DNAJC4: variants seen among roughly 807,000 people sequenced by gnomAD.
DNAJC4 encodes DnaJ heat shock protein family (Hsp40) member C4, also known as dnaJ homolog subfamily C member 4.
In DNAJC4, 26 loss-of-function variants were observed where a neutral mutation model predicts 26.8. The ratio of observed to expected loss-of-function variants is 0.97; its 90% CI spans 0.71 to 1.34. The LOEUF (loss-of-function observed/expected upper bound fraction) is 1.34. DNAJC4 is among the 40% of genes most tolerant of loss of function. The pLI, the probability that DNAJC4 is intolerant of heterozygous loss-of-function variation, is 0.00. For missense variants in DNAJC4, 342 were observed against 321.1 expected (o/e 1.07, Z -0.50); for synonymous variants, 134 against 127.8 (o/e 1.05, Z -0.33).
At position 64,230,746 on chromosome 11, in the gene DNAJC4, GAAC is replaced by G; in HGVS notation, c.-105_-103del. 2.1e-6 allele frequency: 3 copies of G among 1,451,964 alleles called. No individual in the cohort carries two copies. Among genetic ancestry groups the G allele is most frequent in the Non-Finnish European group, 1.9e-6 (2 of 1,070,890 alleles). 89.9% of individuals were successfully genotyped at this position (1,451,964 alleles called of 1,614,324 possible). ...GGGCCTGCTTCAGTCTTCCTTTGCA[GAAC>G]AACGGGCCAGGCCCCTTCCCTCTGC... is the stretch of plus-strand genomic sequence containing the variant. On this transcript the variant is annotated 5_prime_UTR_variant, in exon 1 of 6. Coordinates refer to ENST00000628077, the MANE Select transcript of DNAJC4 (RefSeq NM_005528.4).
At chr11:64,232,655 T>C in intron 3 of DNAJC4, 41 bp downstream of exon 3, 3 of 1,578,060 alleles carry the variant, frequency 1.9e-6, no homozygotes, top group African/African-American at 2.7e-5. Context: ...CCCCCAGGTC[T>C]CTTGGGTAGT....
chr11:64,230,481 T>G, upstream of DNAJC4: 1 of 540,984 alleles, frequency 1.8e-6, no homozygotes, highest in South Asian at 1.5e-5. Context: ...GGGCGGGGCC[T>G]GAATAGACGC....
chr11:64,233,681 C>T, intron 4 of DNAJC4: 1 of 625,384 alleles, frequency 1.6e-6, no homozygotes. Flanking sequence ...GCTGTCACAC[C>T]TCAAAGTGAC....
At chr11:64,233,772 C>A in intron 4 of DNAJC4, 122 bp from the exon 5 acceptor site, 2 of 1,330,672 alleles carry the variant, frequency 1.5e-6, no homozygotes, top group Non-Finnish European at 2.1e-6. Flanking sequence ...AAGGGTTAGA[C>A]TGAGGTTCCT....
chr11:64,232,952 C>T (rs1351651592), intron 4 of DNAJC4, 87 bp downstream of exon 4: 18 of 1,417,638 alleles, frequency 1.3e-5, no homozygotes, highest in South Asian at 1.6e-5. Flanking sequence ...CACAGCACCT[C>T]GTGGCCCGTA....
intron 1 of DNAJC4, chr11:64,231,623 A>G: frequency 4.5e-6 from 2 of 447,442 alleles, no homozygotes; most frequent in East Asian, 7.4e-5. Flanking sequence ...TACAGGCGTG[A>G]GCCACCGCGC....
intron 1 of DNAJC4, 21 bp downstream of exon 1, chr11:64,230,961 C>G: frequency 6.5e-7 from 1 of 1,539,062 alleles, no homozygotes; most frequent in South Asian, 1.2e-5. Context: ...CGCGGGGGGC[C>G]GGCCCGGTTG....
chr11:64,231,000 C>T, intron 1 of DNAJC4, 60 bp downstream of exon 1: 2 of 1,528,966 alleles, frequency 1.3e-6, no homozygotes, highest in Non-Finnish European at 8.8e-7. Flanking sequence ...GCCCTACGTG[C>T]TGAGTTAGTT....
Position 64,234,127 on chromosome 11 carries a change from G to T in DNAJC4, c.669G>T (p.Pro223=), listed in dbSNP as rs1346732454. 1.3e-6 allele frequency: 2 copies of T among 1,597,760 alleles called. No homozygotes were observed. The highest frequency in any genetic ancestry group is 3.5e-5 in the Admixed American group (2 of 57,244). ...QERQRLGQRQ[P]PPSEPTQGPE... ...GACAACGGCTAGGGCAGCGGCAGCCGCCACCATCCGAGCCAACCCAAGGCC... is the reference window on the plus strand; with the variant it reads ...GACAACGGCTAGGGCAGCGGCAGCCTCCACCATCCGAGCCAACCCAAGGCC... Residue 223 remains proline, a synonymous_variant, in exon 6 of 6, where the codon CCG becomes CCT. Transcript: ENST00000628077. The surrounding 1 kb of genome is among the most constrained non-coding windows in gnomAD (Gnocchi z 5.3).
intron 4 of DNAJC4, chr11:64,233,535 C>T: frequency 3.9e-6 from 1 of 256,394 alleles, no homozygotes; most frequent in Non-Finnish European, 7.6e-6. Context: ...GCTACCGCGC[C>T]TGGCCACAAA....
In DNAJC4 at chr11:64,230,751, A is replaced by G. The variant is rs1947163044; in HGVS notation, c.-104A>G. 3 of 1,461,696 alleles carry G rather than the reference A, an allele frequency of 2.1e-6. No homozygotes were observed. Among genetic ancestry groups the G allele is most frequent in the Non-Finnish European group, 2.8e-6 (3 of 1,079,240 alleles). The allele number at this position is 1,461,696 out of a possible 1,614,324, so 90.5% of individuals were successfully genotyped here. A position where few individuals can be genotyped will look rare whatever the true frequency, so the allele number is the denominator to read the frequency against. On this transcript the variant is annotated 5_prime_UTR_variant, in exon 1 of 6. Transcript: ENST00000628077. ...TGCTTCAGTCTTCCTTTGCAGAACAACGGGCCAGGCCCCTTCCCTCTGCCC... is the reference window on the plus strand; with the variant it reads ...TGCTTCAGTCTTCCTTTGCAGAACAGCGGGCCAGGCCCCTTCCCTCTGCCC...
In DNAJC4 at chr11:64,232,884, G is replaced by A. The variant is rs185194474; in HGVS notation, c.527+19G>A. On this transcript the variant is annotated intron_variant, in intron 4 of 5. Coordinates refer to ENST00000628077, the MANE Select transcript of DNAJC4 (RefSeq NM_005528.4). The stretch of plus-strand genomic sequence containing the variant: ...CCTTCAGGTGATGCCTGTTCTCCCC[G>A]GGGTGATGGGCAGAGGGCAGGAGGG... 1.2e-5 allele frequency: 19 copies of A among 1,554,426 alleles called. No homozygotes were observed. Among genetic ancestry groups the A allele is most frequent in the African/African-American group, 8.2e-5 (6 of 73,602 alleles).
At chr11:64,231,062 C>T (rs1447350629) in intron 1 of DNAJC4, 122 bp downstream of exon 1, 2 of 1,248,082 alleles carry the variant, frequency 1.6e-6, no homozygotes, top group Non-Finnish European at 2.3e-6. Context: ...AGGTAACCCT[C>T]GCCTTCCCTG....
intron 4 of DNAJC4, 36 bp from the exon 5 acceptor site, chr11:64,233,858 A>T (rs370284469): frequency 2.7e-5 from 44 of 1,605,012 alleles, no homozygotes; most frequent in Admixed American, 5.0e-5. Context: ...GGACAGCAGG[A>T]ATTGGATTCC....
Position 64,230,705 on chromosome 11 carries a change from G to A in DNAJC4, c.-150G>A. 6.3e-6 allele frequency: 7 copies of A among 1,113,814 alleles called. No individual in the cohort carries two copies. The Middle Eastern group carries it at 6.0e-4, about 95-fold the overall frequency. The allele number at this position is 1,113,814 out of a possible 1,614,324, so 69.0% of individuals were successfully genotyped here. On this transcript the variant is annotated 5_prime_UTR_variant, in exon 1 of 6. Coordinates refer to ENST00000628077, the MANE Select transcript of DNAJC4 (RefSeq NM_005528.4). ...GACACGCGGGTCTGGTCCTGGGCAA[G>A]AACCGCCCCCTCTCCGGGCCTGCTT...
rs1358358905 is a variant in DNAJC4, at chr11:64,230,686, C to T, written c.-169C>T. 3.5e-6 allele frequency: 3 copies of T among 869,198 alleles called. No individual in the cohort carries two copies. The highest frequency in any genetic ancestry group is 2.6e-5 in the East Asian group (1 of 37,748). 53.8% of individuals were successfully genotyped at this position (869,198 alleles called of 1,614,324 possible). Reference sequence around the variant, plus strand: ...AGGAAGGGGCAGGTCCAAGGACACGCGGGTCTGGTCCTGGGCAAGAACCGC... The same window carrying T: ...AGGAAGGGGCAGGTCCAAGGACACGTGGGTCTGGTCCTGGGCAAGAACCGC... On this transcript the variant is annotated 5_prime_UTR_variant, in exon 1 of 6. Coordinates refer to ENST00000628077, the MANE Select transcript of DNAJC4 (RefSeq NM_005528.4).
chr11:64,234,110 CT>C lies in DNAJC4; in HGVS notation c.653del (p.Leu218GlnfsTer?). On this transcript the variant is annotated frameshift_variant, in exon 6 of 6. Coordinates refer to ENST00000628077, the MANE Select transcript of DNAJC4 (RefSeq NM_005528.4). LOFTEE classifies it low-confidence loss of function (END_TRUNC). This position sits in a 1 kb window ranked among gnomAD's most constrained non-coding sequence, Gnocchi z 5.3. ...CATCCTTCAGCAGGAGCGACAACGG[CT>C]AGGGCAGCGGCAGCCGCCACCATCC... is the stretch of plus-strand genomic sequence containing the variant. ...RGILQQERQR[L>X]GQRQPPPSEP... 4.4e-6 allele frequency: 7 copies of C among 1,606,378 alleles called. No homozygotes were observed. Among genetic ancestry groups the C allele is most frequent in the Non-Finnish European group, 5.9e-6 (7 of 1,177,808 alleles).
rs3741403 is a variant in DNAJC4 at position 64,232,057 on chromosome 11, C to T, written c.180+93C>T. On this transcript the variant is annotated intron_variant, in intron 2 of 5. Transcript: ENST00000628077. ...CCCAGGAGTAGACCAGCATCTCTGGCGGGTGCCACATTTTTTCAGCCCTCA... is the reference window on the plus strand; with the variant it reads ...CCCAGGAGTAGACCAGCATCTCTGGTGGGTGCCACATTTTTTCAGCCCTCA... 576,597 of 1,332,322 alleles carry T rather than the reference C, an allele frequency of 0.43. 127,371 individuals are homozygous for T. The highest frequency in any genetic ancestry group is 0.59 in the East Asian group (25,517 of 43,108). 82.5% of individuals were successfully genotyped at this position (1,332,322 alleles called of 1,614,324 possible).
rs747323857 is a variant in DNAJC4, at chr11:64,232,583, G to A, written c.334G>A (p.Val112Ile). 6.2e-7 allele frequency: 1 copy of A among 1,607,352 alleles called. No individual in the cohort carries two copies. Among genetic ancestry groups the A allele is most frequent in the East Asian group, 2.2e-5 (1 of 44,704 alleles). The change falls in exon 3 of 6, where the codon GTC becomes ATC. Residue 112 changes from valine (V) to isoleucine (I), a missense_variant. Physicochemically the swap from Val to Ile is conservative, Grantham distance 29. Coordinates refer to ENST00000628077, the MANE Select transcript of DNAJC4 (RefSeq NM_005528.4). Reference protein sequence around the residue: ...GSPPKSPRTTVHDKSAHQTHS... With the variant: ...GSPPKSPRTTIHDKSAHQTHS... ...TCCCCCAAAGTCTCCACGAACCACA[G>A]TCCATGACAAGTCTGCCCACCAAAC...
Sources: gnomAD v4.1 joint callset for allele counts on GRCh38, gnomAD v4.1.1 for gene constraint, Gnocchi (gnomAD v3.1) non-coding constraint, MANE v1.5 for transcripts, NCBI Gene and HGNC (gene_info 2026-07-23, HGNC 2026-07-21) for gene names.